CMBL: variants seen among roughly 807,000 people sequenced by gnomAD.
CMBL encodes the protein carboxymethylenebutenolidase homolog (Pseudomonas).
CMBL carries 17 observed loss-of-function variants against 28.7 expected under a neutral mutation model. The observed-to-expected ratio is 0.59, with a 90% confidence interval of 0.41 to 0.89. The LOEUF (loss-of-function observed/expected upper bound fraction) is 0.89, where lower values mean the gene tolerates loss of function less well. CMBL is among the 40% of genes least tolerant of loss of function. CMBL has a pLI of 0.00. For missense variants in CMBL, 310 were observed against 298.5 expected (o/e 1.04, Z -0.28); for synonymous variants, 106 against 101.6 (o/e 1.04, Z -0.26).
intron 1 of CMBL, among the ~76,000 whole-genome samples, chr5:10,303,923 A>G (rs1236703065): frequency 1.3e-5 from 2 of 152,238 alleles, no homozygotes; most frequent in African/African-American, 4.8e-5. Context: ...GTGCACAGTA[A>G]GGATTTTTGT....
intron 1 of CMBL, among the ~76,000 whole-genome samples, chr5:10,305,476 G>A (rs1746986397): frequency 6.6e-6 from 1 of 151,728 alleles, no homozygotes; most frequent in Non-Finnish European, 1.5e-5. Context: ...CACTCTGTAG[G>A]GGTGAAGGAG....
At chr5:10,286,276 G>T in intron 4 of CMBL, 78 bp downstream of exon 4, 1 of 1,425,682 alleles carries the variant, frequency 7.0e-7, no homozygotes, top group Non-Finnish European at 9.7e-7. Context: ...TGTTACACTG[G>T]ATGGGGAGGC....
At chr5:10,302,058 C>A (rs1464562584) in intron 1 of CMBL, among the ~76,000 whole-genome samples, 2 of 152,236 alleles carry the variant, frequency 1.3e-5, no homozygotes, top group Non-Finnish European at 2.9e-5. Context: ...GAAGGCTGGA[C>A]TCCTGCCCAG....
At chr5:10,301,839 G>A (rs945247467) in intron 1 of CMBL, among the ~76,000 whole-genome samples, 1 of 109,534 alleles carries the variant, frequency 9.1e-6, no homozygotes, top group African/African-American at 2.8e-5. Flanking sequence ...TTCTTATCTG[G>A]GCTGACTTCT....
intron 4 of CMBL, 85 bp downstream of exon 4, chr5:10,286,269 T>G: frequency 7.3e-7 from 1 of 1,371,870 alleles, no homozygotes; most frequent in Admixed American, 2.0e-5. Context: ...GGGGTTGTGT[T>G]ACACTGGATG....
chr5:10,280,334 T>C lies in CMBL; in HGVS notation c.*119A>G, dbSNP rs1443035697. On this transcript the variant is annotated 3_prime_UTR_variant, in exon 6 of 6. Coordinates refer to ENST00000296658, the MANE Select transcript of CMBL (RefSeq NM_138809.4). ...TGAATTTGTGTTTCAAATGAAATAA[T>C]CAATTTTAGGATTCCTACACTTATT... is the stretch of plus-strand genomic sequence containing the variant. 7.1e-6 allele frequency: 5 copies of C among 704,152 alleles called. No homozygotes were observed. The highest frequency in any genetic ancestry group is 1.1e-5 in the Non-Finnish European group (5 of 446,926). The allele number at this position is 704,152 out of a possible 1,614,324, so 43.6% of individuals were successfully genotyped here. A position where few individuals can be genotyped will look rare whatever the true frequency, so the allele number is the denominator to read the frequency against.
chr5:10,306,095 A>T (rs1364048385), intron 1 of CMBL, among the ~76,000 whole-genome samples: 1 of 152,232 alleles, frequency 6.6e-6, no homozygotes, highest in South Asian at 2.1e-4. Context: ...TTATCTTTTA[A>T]CAATGTAATC....
intron 1 of CMBL, among the ~76,000 whole-genome samples, chr5:10,295,788 C>T (rs1340285046): frequency 6.6e-6 from 1 of 152,340 alleles, no homozygotes; most frequent in East Asian, 1.9e-4. Flanking sequence ...GTTGTTGAAG[C>T]CACGTTTGTT....
In CMBL at chr5:10,290,689, A is replaced by G; in HGVS notation, c.74T>C (p.Val25Ala). ...ATAAGCCTTGATGTGCTCGACTTGA[A>G]CTTCACGGCCTAGCCCTCCATACTC... Reference protein sequence around the residue: ...RLEYGGLGREVQVEHIKAYVT... With the variant: ...RLEYGGLGREAQVEHIKAYVT... The change falls in exon 2 of 6, where the codon GTT becomes GCT. Residue 25 changes from valine to alanine, a missense_variant. By Grantham distance (64) the Val-to-Ala change is moderately conservative. Transcript: ENST00000296658. 1 of 1,614,184 alleles carries G rather than the reference A, an allele frequency of 6.2e-7. No individual in the cohort carries two copies. The highest frequency in any genetic ancestry group is 8.5e-7 in the Non-Finnish European group (1 of 1,180,042).
chr5:10,279,366 T>C lies in CMBL; in HGVS notation c.*1087A>G, dbSNP rs1285118307. On this transcript the variant is annotated 3_prime_UTR_variant, in exon 6 of 6. Coordinates refer to ENST00000296658, the MANE Select transcript of CMBL (RefSeq NM_138809.4). ...TCAATACTTCCCATATTGCAATATATAAATGTGACAAATTCAGCTGTTTTG... is the reference window on the plus strand; with the variant it reads ...TCAATACTTCCCATATTGCAATATACAAATGTGACAAATTCAGCTGTTTTG... 1 of 152,230 alleles carries C rather than the reference T, an allele frequency of 6.6e-6. No individual in the cohort carries two copies. Among genetic ancestry groups the C allele is most frequent in the African/African-American group, 2.4e-5 (1 of 41,460 alleles). The allele number at this position is 152,230 out of a possible 1,614,324, so 9.4% of individuals were successfully genotyped here. A position where few individuals can be genotyped will look rare whatever the true frequency, so the allele number is the denominator to read the frequency against.
intron 1 of CMBL, chr5:10,307,216 T>C (rs1277648974): frequency 6.6e-6 from 1 of 152,208 alleles, no homozygotes; most frequent in Non-Finnish European, 1.5e-5. Flanking sequence ...AATAGTTTTA[T>C]ATTAGTAAAA....
At chr5:10,300,164 AGG>A (rs1746874128) in intron 1 of CMBL, among the ~76,000 whole-genome samples, 1 of 152,156 alleles carries the variant, frequency 6.6e-6, no homozygotes, top group Admixed American at 6.5e-5. Context: ...CCTTCTAAGG[AGG>A]GGAAAACGTG....
chr5:10,296,447 A>AT (rs1458836236), intron 1 of CMBL, among the ~76,000 whole-genome samples: 1 of 152,074 alleles, frequency 6.6e-6, no homozygotes, highest in African/African-American at 2.4e-5. Context: ...TACCTGGCTA[A>AT]TTTTTGTATT....
At chr5:10,288,027 G>A (rs114924637) in intron 3 of CMBL, among the ~76,000 whole-genome samples, 116 of 149,018 alleles carry the variant, frequency 7.8e-4, no homozygotes, top group Non-Finnish European at 1.3e-3. Flanking sequence ...CACCATGCCC[G>A]GCCTAAAAAT....
At chr5:10,288,655 T>C in intron 2 of CMBL, 126 bp from the exon 3 acceptor site, 2 of 716,536 alleles carry the variant, frequency 2.8e-6, no homozygotes, top group Non-Finnish European at 4.8e-6. Context: ...GTAGTGGGTG[T>C]GAAGGCCAAT....
chr5:10,307,797 G>A lies in CMBL; in HGVS notation c.-192C>T, dbSNP rs964954338. The A allele has an allele frequency of 6.6e-6, 1 of 152,362 alleles. No individual in the cohort carries two copies. The highest frequency in any genetic ancestry group is 1.5e-5 in the Non-Finnish European group (1 of 68,174). 9.4% of individuals were successfully genotyped at this position (152,362 alleles called of 1,614,324 possible). A position where few individuals can be genotyped will look rare whatever the true frequency, so the allele number is the denominator to read the frequency against. On this transcript the variant is annotated 5_prime_UTR_variant, in exon 1 of 6. Transcript: ENST00000296658. ...CTCCTGGGAGAGCCAAGCCCGGAGGGGGCGGAGAGGTGGAGGAGGGAGGCC... is the reference window on the plus strand; with the variant it reads ...CTCCTGGGAGAGCCAAGCCCGGAGGAGGCGGAGAGGTGGAGGAGGGAGGCC...
At chr5:10,298,398 T>TA (rs892972774) in intron 1 of CMBL, among the ~76,000 whole-genome samples, 7 of 151,064 alleles carry the variant, frequency 4.6e-5, no homozygotes, top group Admixed American at 1.3e-4. Context: ...GTAACCAATT[T>TA]AAAAAAAAAG....
chr5:10,295,186 C>T (rs971733365), intron 1 of CMBL, among the ~76,000 whole-genome samples: 5 of 151,806 alleles, frequency 3.3e-5, no homozygotes, highest in Admixed American at 1.3e-4. Context: ...TGGGTTCAAG[C>T]GATTCTCCTG....
chr5:10,307,346 T>C (rs1303367563), intron 1 of CMBL: 1 of 152,172 alleles, frequency 6.6e-6, no homozygotes, highest in East Asian at 1.9e-4. Context: ...TACGGTGTGA[T>C]TTCCACTATG....
Sources: gnomAD v4.1 joint callset for allele counts (sites outside exome capture counted in the v4.1 genomes callset) on GRCh38, gnomAD v4.1.1 for gene constraint, MANE v1.5 for transcripts, NCBI Gene and HGNC (gene_info 2026-07-23, HGNC 2026-07-21) for gene names.